Variants in ZNF717 observed in about 807,000 individuals in gnomAD.
ZNF717 encodes the protein zinc finger protein 717, also known as krueppel-like factor X17.
In ZNF717, 9 loss-of-function variants were observed where a neutral mutation model predicts 13.8. That is an observed-to-expected ratio of 0.65 (90% CI 0.39 to 1.14). ZNF717 has a LOEUF of 1.14. Ranked by LOEUF, ZNF717 falls within the 50% of genes most tolerant of loss-of-function variation. ZNF717 has a pLI of 0.01. For missense variants in ZNF717, 1,040 were observed against 1,080.7 expected (o/e 0.96, Z 0.53); for synonymous variants, 327 against 364.1 (o/e 0.90, Z 1.16).
intron 2 of ZNF717, among the ~76,000 whole-genome samples, chr3:75,768,931 C>T (rs56032654): frequency 0.26 from 39,840 of 152,134 alleles, 5,708 homozygotes; most frequent in African/African-American, 0.39. Context: ...CAACCTGATT[C>T]AGGATTCAGA....
At chr3:75,713,954 G>A (rs1282386228) in intron 5 of ZNF717, among the ~76,000 whole-genome samples, 2 of 152,128 alleles carry the variant, frequency 1.3e-5, no homozygotes, top group African/African-American at 2.4e-5. Flanking sequence ...CTGTTTGGCA[G>A]CTGAGGTGGG....
At chr3:75,774,551 T>C (rs1254125077) in intron 2 of ZNF717, among the ~76,000 whole-genome samples, 1 of 151,812 alleles carries the variant, frequency 6.6e-6, no homozygotes, top group Non-Finnish European at 1.5e-5. Flanking sequence ...CTTCAGGTTA[T>C]ATTTAGTGTA....
At chr3:75,733,963 G>C (rs201410749), downstream of ZNF717, among the ~76,000 whole-genome samples, 1 of 131,762 alleles carries the variant, frequency 7.6e-6, no homozygotes, top group Non-Finnish European at 1.7e-5. Context: ...ACAAACAAAA[G>C]TTGAGGAAAC....
At chr3:75,781,240 T>A (rs997258263) in intron 2 of ZNF717, among the ~76,000 whole-genome samples, 10 of 152,264 alleles carry the variant, frequency 6.6e-5, no homozygotes, top group Non-Finnish European at 7.3e-5. Flanking sequence ...GTGGCCAAAC[T>A]TCAACCACTC....
downstream of ZNF717, among the ~76,000 whole-genome samples, chr3:75,707,521 A>G (rs111637553): frequency 6.6e-6 from 1 of 152,304 alleles, no homozygotes; most frequent in South Asian, 2.1e-4. Context: ...TCCCAGCATG[A>G]ACGACGCAGA....
At chr3:75,772,645 T>C (rs551855050) in intron 2 of ZNF717, among the ~76,000 whole-genome samples, 1 of 152,370 alleles carries the variant, frequency 6.6e-6, no homozygotes, top group South Asian at 2.1e-4. Context: ...TGCTTGGCTG[T>C]GTGCAGTGGC....
At chr3:75,760,203 ATATTT>A (rs1942863596) in intron 2 of ZNF717, among the ~76,000 whole-genome samples, 3 of 118,574 alleles carry the variant, frequency 2.5e-5, no homozygotes, top group Admixed American at 8.8e-5. Context: ...TAACTTTTAT[ATATTT>A]TTTTTTTCTA....
At chr3:75,757,307 G>C (rs774354223) in intron 2 of ZNF717, among the ~76,000 whole-genome samples, 1 of 152,190 alleles carries the variant, frequency 6.6e-6, no homozygotes, top group Non-Finnish European at 1.5e-5. Flanking sequence ...AAGGGCTAAT[G>C]CATCTGGTGA....
At chr3:75,742,591 C>G (rs1940619049) in intron 2 of ZNF717, among the ~76,000 whole-genome samples, 1 of 152,164 alleles carries the variant, frequency 6.6e-6, no homozygotes, top group Admixed American at 6.5e-5. Flanking sequence ...AGTCTACTCA[C>G]AAAGGCAAAG....
intron 4 of ZNF717, among the ~76,000 whole-genome samples, chr3:75,720,435 TA>T (rs1938145585): frequency 6.6e-6 from 1 of 152,114 alleles, no homozygotes. Flanking sequence ...AATTAAGTCT[TA>T]GGTACACACA....
intron 2 of ZNF717, among the ~76,000 whole-genome samples, chr3:75,756,514 G>A (rs1454439154): frequency 1.3e-5 from 2 of 150,636 alleles, no homozygotes; most frequent in African/African-American, 5.0e-5. Flanking sequence ...TGAATGCAAA[G>A]GAAGTGTTCT....
intron 6 of ZNF717, among the ~76,000 whole-genome samples, chr3:75,698,119 T>TGCC (rs1260905512): frequency 6.6e-6 from 1 of 152,226 alleles, no homozygotes; most frequent in Non-Finnish European, 1.5e-5. Context: ...GCCTGGCTGC[T>TGCC]TCTAACAACC....
chr3:75,725,269 C>T (rs1340114570), downstream of ZNF717, among the ~76,000 whole-genome samples: 1 of 152,186 alleles, frequency 6.6e-6, no homozygotes, highest in Non-Finnish European at 1.5e-5. Flanking sequence ...AAACAGGTAA[C>T]TGTGTTCCTC....
At position 75,738,774 on chromosome 3, in the gene ZNF717, A is replaced by C; in HGVS notation, c.849T>G (p.Tyr283Ter). Residue 283 changes from tyrosine to a stop codon, truncating the protein, a stop_gained, in exon 5 of 5, where the codon TAT becomes TAG. Transcript: ENST00000652011. LOFTEE classifies it low-confidence loss of function (END_TRUNC). Reference protein sequence around the residue: ...HQQTHTGEKPYECVECEKPSI... With the variant: ...HQQTHTGEKP Reference sequence around the variant, plus strand: ...AGGGTTTCTCACATTCAACACATTCATAGGGTTTCTCTCCTGTGTGTGTCT... The same window carrying C: ...AGGGTTTCTCACATTCAACACATTCCTAGGGTTTCTCTCCTGTGTGTGTCT... 4.5e-6 allele frequency: 7 copies of C among 1,553,226 alleles called. No homozygotes were observed.
intron 2 of ZNF717, among the ~76,000 whole-genome samples, chr3:75,782,016 G>T (rs945090214): frequency 1.3e-5 from 2 of 152,116 alleles, no homozygotes; most frequent in African/African-American, 2.4e-5. Context: ...ATCCGGGGCC[G>T]AGAGAATTTC....
rs553640609 is a variant in ZNF717, at chr3:75,757,354, A to G, written c.58-15618T>C. On this transcript the variant is annotated intron_variant, in intron 2 of 4. Transcript: ENST00000652011. Reference sequence around the variant, plus strand: ...AACCAATGATGATTTACTATTCTGAAAATCCAAGGGCCCTGAAGAATTATT... The same window carrying G: ...AACCAATGATGATTTACTATTCTGAGAATCCAAGGGCCCTGAAGAATTATT... Among the ~76,000 whole-genome samples, 9 of 152,338 alleles carry G rather than the reference A, an allele frequency of 5.9e-5. No individual in the cohort carries two copies. In the South Asian group the frequency reaches 1.9e-3, roughly 32 times the overall value.
intron 2 of ZNF717, among the ~76,000 whole-genome samples, chr3:75,759,043 A>C (rs1254022440): frequency 2.0e-5 from 3 of 152,198 alleles, no homozygotes; most frequent in Non-Finnish European, 4.4e-5. Flanking sequence ...GTTAACAATA[A>C]AGTATTTGTA....
chr3:75,716,733 T>C (rs1348298611), intron 4 of ZNF717, among the ~76,000 whole-genome samples: 1 of 152,184 alleles, frequency 6.6e-6, no homozygotes, highest in African/African-American at 2.4e-5. Flanking sequence ...TTATACTTTC[T>C]GTGGTTAGTT....
At chr3:75,707,706 A>G (rs1937834772), downstream of ZNF717, among the ~76,000 whole-genome samples, 1 of 152,174 alleles carries the variant, frequency 6.6e-6, no homozygotes, top group African/African-American at 2.4e-5. Context: ...CTAGTCAAAG[A>G]AAGGGGTGAC....
Sources: gnomAD v4.1 joint callset for allele counts (sites outside exome capture counted in the v4.1 genomes callset) on GRCh38, gnomAD v4.1.1 for gene constraint, MANE v1.5 for transcripts, NCBI Gene and HGNC (gene_info 2026-07-23, HGNC 2026-07-21) for gene names.